NKD1: variants seen among roughly 807,000 people sequenced by gnomAD.
The protein encoded by NKD1 is NKD inhibitor of Wnt signaling pathway 1.
NKD1 carries 21 observed loss-of-function variants against 56.0 expected under a neutral mutation model. That is an observed-to-expected ratio of 0.38 (90% CI 0.27 to 0.54). NKD1 has a LOEUF of 0.54. NKD1 is among the 20% of genes least tolerant of loss of function. The pLI is 0.82. For missense variants in NKD1, 578 were observed against 642.7 expected, an observed-to-expected ratio of 0.90 and a Z score of 1.09; for synonymous variants, 263 against 265.7, an observed-to-expected ratio of 0.99 and a Z score of 0.10.
chr16:50,584,050 A>G (rs1961175492), intron 3 of NKD1, among the ~76,000 whole-genome samples: 1 of 152,116 alleles, frequency 6.6e-6, no homozygotes. Context: ...CCACCCTAAG[A>G]CTTAGTTATT....
At position 50,574,148 on chromosome 16, in the gene NKD1, C is replaced by G. The variant is rs188070889; in HGVS notation, c.192+24593C>G. On this transcript the variant is annotated intron_variant, in intron 3 of 9. Coordinates refer to ENST00000268459, the MANE Select transcript of NKD1 (RefSeq NM_033119.5). ...GGGTATTGGGTGATAGAACTTGATGCTGGATCCAAATGCAGGACTGCCTAT... is the reference window on the plus strand; with the variant it reads ...GGGTATTGGGTGATAGAACTTGATGGTGGATCCAAATGCAGGACTGCCTAT... The G allele has an allele frequency of 4.3e-5, 40 of 930,762 alleles. No individual in the cohort carries two copies. The East Asian group carries it at 4.0e-3, about 93-fold the overall frequency. 57.7% of individuals were successfully genotyped at this position (930,762 alleles called of 1,614,324 possible). A position where few individuals can be genotyped will look rare whatever the true frequency, so the allele number is the denominator to read the frequency against.
chr16:50,630,746 G>T, intron 7 of NKD1, 80 bp from the exon 8 acceptor site: 1 of 1,274,380 alleles, frequency 7.8e-7, no homozygotes, highest in Non-Finnish European at 1.1e-6. Context: ...TTGCAAAGCA[G>T]CTGCACGCCA....
chr16:50,616,066 T>TG (rs1242447883), intron 4 of NKD1: 1 of 455,964 alleles, frequency 2.2e-6, no homozygotes, highest in Non-Finnish European at 4.4e-6. Context: ...CAGAAGGTTG[T>TG]GGACTCAAAC....
intron 3 of NKD1, chr16:50,558,654 A>T (rs1339345584): frequency 6.7e-6 from 1 of 149,236 alleles, no homozygotes; most frequent in East Asian, 2.0e-4. Context: ...TTGGTGGATC[A>T]CCTGAGGTCA....
intron 3 of NKD1, chr16:50,573,992 G>A: frequency 2.1e-6 from 2 of 963,174 alleles, no homozygotes; most frequent in African/African-American, 3.5e-5. Context: ...TATAATGCAT[G>A]TGTGTCTATA....
chr16:50,562,968 C>T (rs1296454158), intron 3 of NKD1, among the ~76,000 whole-genome samples: 2 of 144,670 alleles, frequency 1.4e-5, no homozygotes, highest in East Asian at 3.9e-4. Flanking sequence ...CTTGAAAGGG[C>T]TGCTAGGTCC....
At position 50,632,297 on chromosome 16, in the gene NKD1, C is replaced by T. The variant is rs767868407; in HGVS notation, c.712C>T (p.Arg238Cys). 1.3e-5 allele frequency: 21 copies of T among 1,613,932 alleles called. No individual in the cohort carries two copies. The highest frequency in any genetic ancestry group is 5.3e-5 in the African/African-American group (4 of 74,902). Residue 238 changes from arginine (R) to cysteine (C), a missense_variant, in exon 9 of 10, where the codon CGC becomes TGC. Arg to Cys is a radical substitution (Grantham distance 180). Transcript: ENST00000268459. This position sits in a 1 kb window ranked among gnomAD's most constrained non-coding sequence, Gnocchi z 4.1. ...CTGCCGTAGGTTCCAGGGTGACAGC[C>T]GCCTGGAGCAGTCTGGCTGCTACCA... ...RAPLRFQGDS[R>C]LEQSGCYHHC... is the part of the protein sequence containing the mutation.
chr16:50,629,727 G>A (rs1280829331), intron 6 of NKD1, among the ~76,000 whole-genome samples: 1 of 152,156 alleles, frequency 6.6e-6, no homozygotes, highest in Admixed American at 6.5e-5. Flanking sequence ...TCACACCCCT[G>A]CACTCCAGCC....
At chr16:50,626,601 T>C (rs1435985944) in intron 6 of NKD1, among the ~76,000 whole-genome samples, 1 of 152,194 alleles carries the variant, frequency 6.6e-6, no homozygotes, top group Non-Finnish European at 1.5e-5. Context: ...GACACAGATG[T>C]GGCTGGGGAT....
At chr16:50,625,246 A>G in intron 5 of NKD1, 1 of 561,160 alleles carries the variant, frequency 1.8e-6, no homozygotes, top group Non-Finnish European at 3.2e-6. Context: ...TTGAAGACCC[A>G]CAGACCACCA....
chr16:50,601,845 A>G (rs1392550166), intron 3 of NKD1, among the ~76,000 whole-genome samples: 2 of 152,102 alleles, frequency 1.3e-5, no homozygotes, highest in East Asian at 1.9e-4. Context: ...TATCTTTGGA[A>G]GCAGCATGTT....
chr16:50,614,232 C>T (rs192879299), intron 4 of NKD1, among the ~76,000 whole-genome samples: 1 of 152,224 alleles, frequency 6.6e-6, no homozygotes, highest in Non-Finnish European at 1.5e-5. Flanking sequence ...TTTGTTAAGT[C>T]AGGATTCTTT....
At chr16:50,556,028 G>C (rs1960495839) in intron 3 of NKD1, 1 of 152,100 alleles carries the variant, frequency 6.6e-6, no homozygotes, top group African/African-American at 2.4e-5. Flanking sequence ...CCATCGGAGG[G>C]AGAACTGAGG....
chr16:50,576,611 G>A (rs1427725235), intron 3 of NKD1, among the ~76,000 whole-genome samples: 1 of 152,134 alleles, frequency 6.6e-6, no homozygotes, highest in Non-Finnish European at 1.5e-5. Flanking sequence ...CAGGAAACTT[G>A]GGGAGATTGT....
chr16:50,636,092 C>G lies in NKD1; in HGVS notation c.*2311C>G, dbSNP rs1308441691. 1 of 152,244 alleles carries G rather than the reference C, an allele frequency of 6.6e-6. No homozygotes were observed. Among genetic ancestry groups the G allele is most frequent in the Non-Finnish European group, 1.5e-5 (1 of 68,070 alleles). 9.4% of individuals were successfully genotyped at this position (152,244 alleles called of 1,614,324 possible). A position where few individuals can be genotyped will look rare whatever the true frequency, so the allele number is the denominator to read the frequency against. ...AAGCCCAAGGCAGGATTCTGCTTGGCTGGGCTTCGATCTGGTACCCATAGC... is the reference window on the plus strand; with the variant it reads ...AAGCCCAAGGCAGGATTCTGCTTGGGTGGGCTTCGATCTGGTACCCATAGC... On this transcript the variant is annotated 3_prime_UTR_variant, in exon 10 of 10. Transcript: ENST00000268459.
chr16:50,613,361 T>A (rs1305240933), intron 4 of NKD1, among the ~76,000 whole-genome samples: 1 of 151,964 alleles, frequency 6.6e-6, no homozygotes, highest in African/African-American at 2.4e-5. Context: ...GGCTCCTCAA[T>A]ACACAGGGCT....
chr16:50,573,508 C>G (rs1443044315), intron 3 of NKD1, among the ~76,000 whole-genome samples: 1 of 152,234 alleles, frequency 6.6e-6, no homozygotes, highest in African/African-American at 2.4e-5. Flanking sequence ...TTTCTGGGGT[C>G]AGATCAGAGT....
At chr16:50,586,951 G>A (rs1485761462) in intron 3 of NKD1, among the ~76,000 whole-genome samples, 1 of 152,180 alleles carries the variant, frequency 6.6e-6, no homozygotes, top group Non-Finnish European at 1.5e-5. Flanking sequence ...CTGTCTGAAG[G>A]CAGGAAGCTG....
At chr16:50,618,524 G>C (rs1420777544) in intron 4 of NKD1, among the ~76,000 whole-genome samples, 1 of 152,230 alleles carries the variant, frequency 6.6e-6, no homozygotes, top group Non-Finnish European at 1.5e-5. Context: ...TAGTTTCAGA[G>C]GGCTCATATG....
Sources: allele counts gnomAD v4.1 joint callset (sites outside exome capture counted in the v4.1 genomes callset), GRCh38; gene constraint gnomAD v4.1.1; non-coding constraint Gnocchi (gnomAD v3.1); transcripts MANE v1.5; gene names NCBI Gene and HGNC (gene_info 2026-07-23, HGNC 2026-07-21).